Variants in RALGAPA2 observed in about 807,000 individuals in gnomAD.
RALGAPA2 encodes the protein Ral GTPase activating protein catalytic subunit alpha 2, also known as ral GTPase-activating protein subunit alpha-2.
A neutral mutation model predicts 230.4 loss-of-function variants in RALGAPA2; 139 were observed. The observed-to-expected ratio is 0.60, with a 90% CI of 0.53 to 0.69. The LOEUF is 0.69. Ranked by LOEUF, RALGAPA2 falls within the 30% of genes least tolerant of loss-of-function variation. The pLI, the probability that RALGAPA2 is intolerant of heterozygous loss-of-function variation, is 0.00. For missense variants in RALGAPA2, 2,163 were observed against 2,276.0 expected (o/e 0.95, Z 1.01); for synonymous variants, 847 against 837.8 (o/e 1.01, Z -0.19).
At position 20,437,094 on chromosome 20, in the gene RALGAPA2, A is replaced by T. The variant is rs890084932; in HGVS notation, c.5496-24946T>A. On this transcript the variant is annotated intron_variant, in intron 37 of 39. Coordinates refer to ENST00000202677, the MANE Select transcript of RALGAPA2 (RefSeq NM_020343.4). This position sits in a 1 kb window ranked among gnomAD's most constrained non-coding sequence, Gnocchi z 4.1. Reference sequence around the variant, plus strand: ...GCATCTGAACACAAACCATCTGTTCACATGGGAATACATAATATGTATAAT... The same window carrying T: ...GCATCTGAACACAAACCATCTGTTCTCATGGGAATACATAATATGTATAAT... Among the ~76,000 whole-genome samples the T allele has an allele frequency of 3.9e-5, 6 of 152,166 alleles. No individual in the cohort carries two copies. Among genetic ancestry groups the T allele is most frequent in the African/African-American group, 1.4e-4 (6 of 41,440 alleles).
At chr20:20,470,478 C>G (rs566186867) in intron 37 of RALGAPA2, among the ~76,000 whole-genome samples, 4 of 152,276 alleles carry the variant, frequency 2.6e-5, no homozygotes, top group African/African-American at 9.6e-5. Context: ...TAAACTCCCA[C>G]AGCTGCCTGA....
intron 24 of RALGAPA2, among the ~76,000 whole-genome samples, chr20:20,544,089 T>C (rs932214002): frequency 9.9e-5 from 15 of 151,530 alleles, no homozygotes; most frequent in African/African-American, 2.9e-4. Context: ...AAAACCACAA[T>C]GAGATACCAC....
At chr20:20,518,480 T>C (rs1010868543) in intron 31 of RALGAPA2, among the ~76,000 whole-genome samples, 5 of 152,236 alleles carry the variant, frequency 3.3e-5, no homozygotes, top group African/African-American at 1.2e-4. Context: ...TATTTTTCCT[T>C]TTCACTTTCT....
chr20:20,484,230 G>C lies in RALGAPA2; in HGVS notation c.5367+10887C>G, dbSNP rs1602506160. On this transcript the variant is annotated intron_variant, in intron 36 of 39. Coordinates refer to ENST00000202677, the MANE Select transcript of RALGAPA2 (RefSeq NM_020343.4). ...ACAATAGTAGTCACATTATTTACCA[G>C]AAACACCAAGGAGTCCATGCACTGA... 2.0e-5 allele frequency among the ~76,000 whole-genome samples: 3 copies of C among 152,190 alleles called. No individual in the cohort carries two copies. The South Asian group carries it at 6.2e-4, about 32-fold the overall frequency.
rs1233821314 is a variant in RALGAPA2 at position 20,495,115 on chromosome 20, A to G, written c.5367+2T>C. On this transcript the variant is annotated splice_donor_variant, in intron 36 of 39. Coordinates refer to ENST00000202677, the MANE Select transcript of RALGAPA2 (RefSeq NM_020343.4). LOFTEE classifies it high-confidence loss of function. Reference sequence around the variant, plus strand: ...CAGTACAACAATGCAATGAAAACGTACCTCAGGTTTCTTCGTTATCGCGAT... The same window carrying G: ...CAGTACAACAATGCAATGAAAACGTGCCTCAGGTTTCTTCGTTATCGCGAT... 1 of 1,597,750 alleles carries G rather than the reference A, an allele frequency of 6.3e-7. No individual in the cohort carries two copies. The highest frequency in any genetic ancestry group is 8.6e-7 in the Non-Finnish European group (1 of 1,167,206).
At position 20,495,141 on chromosome 20, in the gene RALGAPA2, G is replaced by A; in HGVS notation, c.5343C>T (p.Phe1781=). The A allele has an allele frequency of 1.2e-6, 2 of 1,608,122 alleles. No homozygotes were observed. Among genetic ancestry groups the A allele is most frequent in the Non-Finnish European group, 1.7e-6 (2 of 1,175,562 alleles). Residue 1781 remains phenylalanine (F), a synonymous_variant, in exon 36 of 40, where the codon TTC becomes TTT. Coordinates refer to ENST00000202677, the MANE Select transcript of RALGAPA2 (RefSeq NM_020343.4). ...IIYPMKNHMF[F]IAITKKPEVP... ...CCTCAGGTTTCTTCGTTATCGCGAT[G>A]AAGAACATGTGATTCTTCATTGGGT...
intron 22 of RALGAPA2, 35 bp from the exon 23 acceptor site, chr20:20,571,648 G>A: frequency 6.3e-7 from 1 of 1,592,312 alleles, no homozygotes; most frequent in Non-Finnish European, 8.6e-7. Flanking sequence ...ATTAAATCAA[G>A]CCCAGGTGCA....
At chr20:20,511,705 TC>T in intron 32 of RALGAPA2, among the ~76,000 whole-genome samples, 1 of 152,318 alleles carries the variant, frequency 6.6e-6, no homozygotes, top group Admixed American at 6.5e-5. Context: ...CAAAGTCTTC[TC>T]CATTGCTCTG....
chr20:20,636,733 AG>A (rs1029893442), intron 8 of RALGAPA2, among the ~76,000 whole-genome samples: 5 of 152,166 alleles, frequency 3.3e-5, no homozygotes, highest in Non-Finnish European at 7.4e-5. Context: ...TAATAGGGAG[AG>A]GAAGATTTGA....
chr20:20,687,322 T>C (rs1421420956), intron 1 of RALGAPA2, among the ~76,000 whole-genome samples: 2 of 152,222 alleles, frequency 1.3e-5, no homozygotes, highest in East Asian at 3.8e-4. Context: ...TATAGGCTAA[T>C]ATGATTCTGG....
At chr20:20,667,127 T>C (rs1435121936) in intron 3 of RALGAPA2, among the ~76,000 whole-genome samples, 1 of 152,170 alleles carries the variant, frequency 6.6e-6, no homozygotes, top group Non-Finnish European at 1.5e-5. Context: ...CTGGATTGCA[T>C]ATACAAAACA....
At chr20:20,453,173 G>A (rs773491667) in intron 37 of RALGAPA2, among the ~76,000 whole-genome samples, 22 of 152,228 alleles carry the variant, frequency 1.4e-4, no homozygotes, top group Non-Finnish European at 5.9e-5. Context: ...AATAAAATAT[G>A]TGAGGTTCTT....
At chr20:20,441,651 G>A (rs1011166125) in intron 37 of RALGAPA2, among the ~76,000 whole-genome samples, 3 of 152,238 alleles carry the variant, frequency 2.0e-5, no homozygotes, top group African/African-American at 7.2e-5. Flanking sequence ...CTGGCCATCA[G>A]CCTCAGATAC....
rs147285150 is a variant in RALGAPA2 at position 20,687,987 on chromosome 20, G to A, written c.107-7186C>T. 2.4e-3 allele frequency among the ~76,000 whole-genome samples: 373 copies of A among 152,260 alleles called. 4 individuals are homozygous for A. Among genetic ancestry groups the A allele is most frequent in the African/African-American group, 8.3e-3 (345 of 41,524 alleles). On this transcript the variant is annotated intron_variant, in intron 1 of 39. Coordinates refer to ENST00000202677, the MANE Select transcript of RALGAPA2 (RefSeq NM_020343.4). ...CAGTATGTTTCGGTACCTCCTATGC[G>A]TGCAGTAATGTGCTAACTGCAGGTT...
intron 4 of RALGAPA2, among the ~76,000 whole-genome samples, chr20:20,650,069 C>T (rs1232000410): frequency 6.6e-6 from 1 of 152,104 alleles, no homozygotes. Context: ...CCAACCACTC[C>T]CCTGGTCATC....
chr20:20,682,261 T>C (rs547954062), intron 1 of RALGAPA2, among the ~76,000 whole-genome samples: 19 of 152,332 alleles, frequency 1.2e-4, no homozygotes, highest in African/African-American at 4.3e-4. Flanking sequence ...ACAAATTTAC[T>C]GTGTGAAAGC....
Position 20,419,312 on chromosome 20 carries a change from C to T in RALGAPA2, c.5496-7164G>A, listed in dbSNP as rs140615337. 3.9e-3 allele frequency among the ~76,000 whole-genome samples: 588 copies of T among 152,220 alleles called. 9 individuals carry two copies. Among genetic ancestry groups the T allele is most frequent in the Admixed American group, 0.03 (458 of 15,292 alleles). On this transcript the variant is annotated intron_variant, in intron 37 of 39. Transcript: ENST00000202677. ...AATGGGCAATTTGGCCAGAATGAAA[C>T]AGCACTAATCAAATGAATCTTTTCT...
chr20:20,595,253 A>C (rs969785133), intron 16 of RALGAPA2, among the ~76,000 whole-genome samples: 1 of 152,160 alleles, frequency 6.6e-6, no homozygotes, highest in Non-Finnish European at 1.5e-5. Context: ...CTCATTCTTC[A>C]ATAACCAAAA....
chr20:20,589,037 A>G (rs1484583273), intron 18 of RALGAPA2, among the ~76,000 whole-genome samples: 1 of 152,202 alleles, frequency 6.6e-6, no homozygotes, highest in African/African-American at 2.4e-5. Context: ...TACACAGACC[A>G]GGTGGTGAAC....
Sources: gnomAD v4.1 joint callset for allele counts (sites outside exome capture counted in the v4.1 genomes callset) on GRCh38, gnomAD v4.1.1 for gene constraint, Gnocchi (gnomAD v3.1) non-coding constraint, MANE v1.5 for transcripts, NCBI Gene and HGNC (gene_info 2026-07-23, HGNC 2026-07-21) for gene names.